The following ANKS1A variants were observed in gnomAD, a reference collection of about 807,000 sequenced individuals.
The protein encoded by ANKS1A is ankyrin repeat and sterile alpha motif domain containing 1A.
In ANKS1A, 55 loss-of-function variants were observed where a neutral mutation model predicts 120.3. The ratio of observed to expected loss-of-function variants is 0.46; its 90% CI spans 0.37 to 0.57. The LOEUF is 0.57. Ranked by LOEUF, ANKS1A falls within the 20% of genes least tolerant of loss-of-function variation. The probability of loss-of-function intolerance (pLI) is 0.00; values close to 1 mark genes in which losing one functional copy is unlikely to be tolerated. For missense variants in ANKS1A, 1,123 were observed against 1,480.3 expected (o/e 0.76, Z 3.96); for synonymous variants, 590 against 604.7 (o/e 0.98, Z 0.36).
Position 34,947,142 on chromosome 6 carries a change from C to CTTT in ANKS1A, c.198-20078_198-20076dup, listed in dbSNP as rs71002514. ...TACTTAATACGTAGTATAGTAGACT[C>CTTT]TTTTTTTTTTTTTTTTTTTTTGAGA... On this transcript the variant is annotated intron_variant, in intron 1 of 23. Transcript: ENST00000360359. Among the ~76,000 whole-genome samples, 202 of 101,960 alleles carry CTTT rather than the reference C, an allele frequency of 2.0e-3. 2 individuals carry two copies. The highest frequency in any genetic ancestry group is 4.1e-3 in the African/African-American group (93 of 22,810). The allele number at this position is 101,960 out of a possible 152,430, so 66.9% of individuals were successfully genotyped here.
intron 1 of ANKS1A, among the ~76,000 whole-genome samples, chr6:34,918,945 G>A (rs889639409): frequency 6.6e-6 from 1 of 152,108 alleles, no homozygotes; most frequent in Non-Finnish European, 1.5e-5. Flanking sequence ...CCCGCCTCCC[G>A]GGTTCAAGCG....
chr6:34,972,312 G>A (rs1771222999), intron 3 of ANKS1A, among the ~76,000 whole-genome samples: 1 of 152,148 alleles, frequency 6.6e-6, no homozygotes, highest in African/African-American at 2.4e-5. Flanking sequence ...GTCTGCAGTA[G>A]CTTGAAGACT....
intron 14 of ANKS1A, 66 bp from the exon 15 acceptor site, chr6:35,079,450 A>G (rs1309836168): frequency 1.9e-6 from 3 of 1,590,932 alleles, no homozygotes; most frequent in African/African-American, 1.3e-5. Flanking sequence ...GGCTGGGTCC[A>G]TGGTCCTCGG....
intron 10 of ANKS1A, among the ~76,000 whole-genome samples, chr6:35,004,355 G>A (rs1333822162): frequency 2.0e-5 from 3 of 152,226 alleles, no homozygotes; most frequent in African/African-American, 7.2e-5. Flanking sequence ...GGGTGCAGTG[G>A]CTTACTCCTG....
chr6:34,933,473 C>T (rs1375681631), intron 1 of ANKS1A, among the ~76,000 whole-genome samples: 4 of 152,262 alleles, frequency 2.6e-5, no homozygotes, highest in African/African-American at 7.2e-5. Context: ...TGGATTCAAG[C>T]GATTCTCCTG....
In ANKS1A at chr6:34,911,078, A is replaced by G. The variant is rs142601667; in HGVS notation, c.197+21479A>G. On this transcript the variant is annotated intron_variant, in intron 1 of 23. Coordinates refer to ENST00000360359, the MANE Select transcript of ANKS1A (RefSeq NM_015245.3). ...TTTTGGTGTGCACAGGAGTTTGTAG[A>G]TGGAGACCTACAGTGGTATGGTAAC... 1.6e-3 allele frequency among the ~76,000 whole-genome samples: 237 copies of G among 152,274 alleles called. 1 individual carries two copies. The highest frequency in any genetic ancestry group is 5.6e-3 in the African/African-American group (232 of 41,568).
intron 11 of ANKS1A, among the ~76,000 whole-genome samples, chr6:35,034,046 A>G (rs1255808519): frequency 6.6e-6 from 1 of 152,158 alleles, no homozygotes; most frequent in Non-Finnish European, 1.5e-5. Context: ...ATGAGAACAT[A>G]ATGTTGCAGG....
intron 8 of ANKS1A, among the ~76,000 whole-genome samples, chr6:34,986,168 G>A (rs556113389): frequency 6.6e-6 from 1 of 152,360 alleles, no homozygotes; most frequent in South Asian, 2.1e-4. Flanking sequence ...GTGAAAAACA[G>A]AATGGTTTTG....
intron 1 of ANKS1A, among the ~76,000 whole-genome samples, chr6:34,935,326 T>A (rs1769195250): frequency 6.6e-6 from 1 of 152,124 alleles, no homozygotes; most frequent in Non-Finnish European, 1.5e-5. Context: ...GGCTCAAGCA[T>A]TCCTTCCACC....
chr6:34,965,851 A>G (rs189838937), intron 1 of ANKS1A, among the ~76,000 whole-genome samples: 97 of 151,938 alleles, frequency 6.4e-4, no homozygotes, highest in African/African-American at 2.3e-3. Context: ...GATTCAAGCA[A>G]TTCTTCTGCC....
chr6:34,944,079 C>T (rs1243006477), intron 1 of ANKS1A, among the ~76,000 whole-genome samples: 2 of 152,128 alleles, frequency 1.3e-5, no homozygotes, highest in South Asian at 2.1e-4. Flanking sequence ...CGAGACCATC[C>T]TGGCTAACAC....
At chr6:34,890,073 G>C (rs923863338) in intron 1 of ANKS1A, among the ~76,000 whole-genome samples, 2 of 151,762 alleles carry the variant, frequency 1.3e-5, no homozygotes, top group African/African-American at 4.9e-5. Context: ...CTTCCACCAG[G>C]CTACACAGGA....
chr6:34,905,962 C>G (rs1473168380), intron 1 of ANKS1A, among the ~76,000 whole-genome samples: 2 of 152,146 alleles, frequency 1.3e-5, no homozygotes, highest in Non-Finnish European at 2.9e-5. Flanking sequence ...ACAGAAAAAA[C>G]AGTACGCAGG....
chr6:34,941,885 C>CT (rs1176834879), intron 1 of ANKS1A, among the ~76,000 whole-genome samples: 3 of 152,200 alleles, frequency 2.0e-5, no homozygotes, highest in Non-Finnish European at 4.4e-5. Flanking sequence ...GTACGATGTA[C>CT]TGTTCAGAGC....
chr6:35,039,096 G>GA (rs1775326853), intron 11 of ANKS1A, among the ~76,000 whole-genome samples: 1 of 151,742 alleles, frequency 6.6e-6, no homozygotes, highest in South Asian at 2.1e-4. Flanking sequence ...GTGTGTGGGG[G>GA]GGGGTTATAT....
intron 8 of ANKS1A, among the ~76,000 whole-genome samples, chr6:34,987,704 T>G (rs1772285128): frequency 6.6e-6 from 1 of 152,262 alleles, no homozygotes. Context: ...TGAAGCCTGT[T>G]TTAAGAGAGA....
At chr6:34,898,905 G>T (rs1310319265) in intron 1 of ANKS1A, among the ~76,000 whole-genome samples, 1 of 152,128 alleles carries the variant, frequency 6.6e-6, no homozygotes, top group African/African-American at 2.4e-5. Flanking sequence ...CATGGAACAT[G>T]AGTTTGTTTT....
At position 35,038,918 on chromosome 6, in the gene ANKS1A, A is replaced by G. The variant is rs145200853; in HGVS notation, c.2011-15181A>G. On this transcript the variant is annotated intron_variant, in intron 11 of 23. Coordinates refer to ENST00000360359, the MANE Select transcript of ANKS1A (RefSeq NM_015245.3). ...TTATAGATTCACAGGAAGTTGTAGA[A>G]ATAGTCCAGAGAGGTCCTTTTTTTT... is the stretch of plus-strand genomic sequence containing the variant. Among the ~76,000 whole-genome samples the G allele has an allele frequency of 2.0e-5, 3 of 152,324 alleles. No homozygotes were observed. In the East Asian group the frequency reaches 5.8e-4, roughly 29 times the overall value.
chr6:34,907,877 G>A (rs1420135553), intron 1 of ANKS1A, among the ~76,000 whole-genome samples: 1 of 152,116 alleles, frequency 6.6e-6, no homozygotes, highest in African/African-American at 2.4e-5. Context: ...GATTAAATGA[G>A]GTAATGCATG....
Sources: gnomAD v4.1 joint callset for allele counts (sites outside exome capture counted in the v4.1 genomes callset) on GRCh38, gnomAD v4.1.1 for gene constraint, MANE v1.5 for transcripts, NCBI Gene and HGNC (gene_info 2026-07-23, HGNC 2026-07-21) for gene names.